The following ASMT variants were observed in gnomAD, a reference collection of about 807,000 sequenced individuals.
ASMT encodes the protein acetylserotonin N-methyltransferase.
A neutral mutation model predicts 41.3 loss-of-function variants in ASMT; 53 were observed. That is an observed-to-expected ratio of 1.28 (90% CI 1.03 to 1.61). The LOEUF is 1.61. Among genes scored for constraint, ASMT ranks in the 40% most tolerant of loss-of-function variants. The pLI is 0.00. For synonymous variants in ASMT, 231 were observed against 184.8 expected, an observed-to-expected ratio of 1.25 and a Z score of -2.03; for missense variants, 531 against 441.3, an observed-to-expected ratio of 1.20 and a Z score of -1.82.
intron 1 of ASMT, among the ~76,000 whole-genome samples, chrX:1,619,584 T>C (rs1348476270): frequency 7.1e-6 from 1 of 141,244 alleles, no homozygotes; most frequent in Non-Finnish European, 1.5e-5. Context: ...ATAATAATAA[T>C]AATAAAAAGT....
intron 4 of ASMT, chrX:1,627,995 G>A: frequency 4.9e-6 from 3 of 617,794 alleles, no homozygotes; most frequent in South Asian, 3.9e-5. Flanking sequence ...TCCTTCGAAA[G>A]GACTACTCAC....
At chrX:1,636,333 T>C in intron 7 of ASMT, 105 bp from the exon 8 acceptor site, 2 of 1,545,876 alleles carry the variant, frequency 1.3e-6, no homozygotes, top group Non-Finnish European at 1.8e-6. Context: ...CTGGAAGACC[T>C]GGGAAAGGCG....
At chrX:1,615,772 C>A (rs7391804) in intron 1 of ASMT, among the ~76,000 whole-genome samples, 124,037 of 151,428 alleles carry the variant, frequency 0.82, 51,142 homozygotes, top group African/African-American at 0.94. Context: ...ACTGCACTCC[C>A]GCCTGGGGGA....
rs1450117078 is a variant in ASMT, at chrX:1,640,491, C to T, written c.911-2312C>T. Reference sequence around the variant, plus strand: ...CATGTCCCAGCTCTCCTGTGAGGTCCACCCATCCTGATGCTTCATGAGGAC... The same window carrying T: ...CATGTCCCAGCTCTCCTGTGAGGTCTACCCATCCTGATGCTTCATGAGGAC... On this transcript the variant is annotated intron_variant, in intron 8 of 8. Coordinates refer to ENST00000381241, the MANE Select transcript of ASMT (RefSeq NM_001171038.2). 1.7e-3 allele frequency among the ~76,000 whole-genome samples: 90 copies of T among 53,344 alleles called. 4 individuals are homozygous for T. The highest frequency in any genetic ancestry group is 2.0e-3 in the Non-Finnish European group (67 of 33,600). The allele number at this position is 53,344 out of a possible 152,430, so 35.0% of individuals were successfully genotyped here.
chrX:1,622,199 C>G (rs1934360149), intron 1 of ASMT, among the ~76,000 whole-genome samples: 1 of 150,014 alleles, frequency 6.7e-6, no homozygotes, highest in African/African-American at 2.5e-5. Context: ...ACCATGTTGG[C>G]CAGGCTGGTC....
chrX:1,640,494 C>G (rs1420604373), intron 8 of ASMT, among the ~76,000 whole-genome samples: 1 of 54,436 alleles, frequency 1.8e-5, no homozygotes, highest in Non-Finnish European at 2.9e-5. Flanking sequence ...TGAGGTCCAC[C>G]CATCCTGATG....
chrX:1,624,213 C>T, intron 2 of ASMT, 56 bp from the exon 3 acceptor site: 1 of 1,611,916 alleles, frequency 6.2e-7, no homozygotes, highest in South Asian at 1.1e-5. Flanking sequence ...GGAGCGTCCG[C>T]CGGCAGGAAC....
At chrX:1,626,916 C>A (rs1166658889) in intron 3 of ASMT, among the ~76,000 whole-genome samples, 1 of 151,792 alleles carries the variant, frequency 6.6e-6, no homozygotes, top group African/African-American at 2.4e-5. Context: ...GTCATCCCAG[C>A]TACTCGGGAG....
rs1462198319 is a variant in ASMT at position 1,629,899 on chromosome X, C to T, written c.522C>T (p.Ala174=). The T allele has an allele frequency of 8.1e-6, 13 of 1,613,878 alleles. No individual in the cohort carries two copies. Among genetic ancestry groups the T allele is most frequent in the African/African-American group, 1.3e-5 (1 of 74,934 alleles). Residue 174 remains alanine, a synonymous_variant, in exon 5 of 9, where the codon GCC becomes GCT. Coordinates refer to ENST00000381241, the MANE Select transcript of ASMT (RefSeq NM_001171038.2). Reference sequence around the variant, plus strand: ...TCAACGGGAGAAGCGTGCTGACCGCCTTTGACCTGTCAGTGTTCCCACTTA... The same window carrying T: ...TCAACGGGAGAAGCGTGCTGACCGCTTTTGACCTGTCAGTGTTCCCACTTA... The part of the protein sequence containing the change: ...WSVNGRSVLT[A]FDLSVFPLMC...
chrX:1,635,998 C>G, intron 7 of ASMT, among the ~76,000 whole-genome samples: 1 of 150,572 alleles, frequency 6.6e-6, no homozygotes, highest in Non-Finnish European at 1.5e-5. Flanking sequence ...CGCTGTCGCC[C>G]AGGCTGGAGT....
intron 1 of ASMT, among the ~76,000 whole-genome samples, chrX:1,616,355 C>G (rs1381566053): frequency 6.6e-6 from 1 of 151,182 alleles, no homozygotes; most frequent in African/African-American, 2.4e-5. Flanking sequence ...CGTGAAAGGC[C>G]CCATATGGTA....
chrX:1,627,990 C>A (rs1301921389), intron 4 of ASMT: 1 of 622,066 alleles, frequency 1.6e-6, no homozygotes, highest in Non-Finnish European at 2.9e-6. Context: ...ACCCTTCCTT[C>A]GAAAGGACTA....
At chrX:1,632,347 G>C (rs1360285862) in intron 5 of ASMT, among the ~76,000 whole-genome samples, 1 of 151,974 alleles carries the variant, frequency 6.6e-6, no homozygotes, top group African/African-American at 2.4e-5. Context: ...GATTAGACAT[G>C]GTGGATAAAA....
intron 4 of ASMT, among the ~76,000 whole-genome samples, chrX:1,628,791 C>T (rs780601298): frequency 6.4e-5 from 9 of 141,416 alleles, no homozygotes; most frequent in Admixed American, 2.2e-4. Flanking sequence ...CCTCCCTTCC[C>T]CTCCCTTCAC....
chrX:1,631,346 C>T (rs56045909), intron 5 of ASMT, among the ~76,000 whole-genome samples: 10,982 of 151,950 alleles, frequency 0.072, 444 homozygotes, highest in Admixed American at 0.1. Context: ...AGCCACTGCA[C>T]CCAGGCTGAG....
chrX:1,630,453 G>A (rs1312739062), intron 5 of ASMT, among the ~76,000 whole-genome samples: 5 of 151,932 alleles, frequency 3.3e-5, no homozygotes, highest in African/African-American at 4.8e-5. Flanking sequence ...TTATGGGTGC[G>A]CACCACTCTG....
At chrX:1,618,141 G>T (rs1212812888) in intron 1 of ASMT, among the ~76,000 whole-genome samples, 1 of 151,932 alleles carries the variant, frequency 6.6e-6, no homozygotes, top group African/African-American at 2.4e-5. Flanking sequence ...ACCAAGCCTG[G>T]CTAACTTTTA....
intron 1 of ASMT, among the ~76,000 whole-genome samples, chrX:1,620,943 A>G (rs1173626062): frequency 1.2e-4 from 18 of 151,582 alleles, no homozygotes; most frequent in Non-Finnish European, 1.9e-4. Context: ...AAAAATACAA[A>G]AATTTAGCCG....
At chrX:1,628,534 A>G (rs1447019733) in intron 4 of ASMT, among the ~76,000 whole-genome samples, 1 of 152,036 alleles carries the variant, frequency 6.6e-6, no homozygotes, top group Non-Finnish European at 1.5e-5. Context: ...AGGGAAGGGT[A>G]TGAAGGACAA....
Sources: allele counts gnomAD v4.1 joint callset (sites outside exome capture counted in the v4.1 genomes callset), GRCh38; gene constraint gnomAD v4.1.1; transcripts MANE v1.5; gene names NCBI Gene and HGNC (gene_info 2026-07-23, HGNC 2026-07-21).